Variants in TBX20 observed in about 807,000 individuals in gnomAD.
TBX20 encodes T-box transcription factor TBX20.
In TBX20, 8 loss-of-function variants were observed where a neutral mutation model predicts 42.9. That is an observed-to-expected ratio of 0.19 (90% CI 0.11 to 0.34). TBX20 has a LOEUF of 0.34. Ranked by LOEUF, TBX20 falls within the 10% of genes least tolerant of loss-of-function variation. The pLI is 1.00. For synonymous variants in TBX20, 198 were observed against 222.8 expected (o/e 0.89, Z 0.99); for missense variants, 411 against 566.0 (o/e 0.73, Z 2.78).
intron 4 of TBX20, among the ~76,000 whole-genome samples, chr7:35,241,682 A>T (rs1441492846): frequency 2.0e-5 from 3 of 152,308 alleles, no homozygotes; most frequent in African/African-American, 7.2e-5. Flanking sequence ...TATTTATGAC[A>T]GCTTCCTTGA....
chr7:35,238,873 C>CATTA (rs1290873669), intron 5 of TBX20, among the ~76,000 whole-genome samples: 1 of 123,398 alleles, frequency 8.1e-6, no homozygotes, highest in Non-Finnish European at 1.8e-5. Flanking sequence ...TTCTCTATCT[C>CATTA]ATTAATACAC....
intron 1 of TBX20, among the ~76,000 whole-genome samples, chr7:35,252,002 C>A (rs186197567): frequency 3.9e-5 from 6 of 152,246 alleles, no homozygotes; most frequent in Admixed American, 2.0e-4. Context: ...GTGAGCTGGG[C>A]ATGGCTTTAA....
rs147393830 is a variant in TBX20, at chr7:35,253,611, T to A, written c.10A>T (p.Thr4Ser). The change falls in exon 1 of 8, where the codon ACG becomes TCG. Residue 4 changes from threonine to serine, a missense_variant. By Grantham distance (58) the Thr-to-Ser change is moderately conservative. This residue lies in a region of TBX20 where 114 missense variants were observed against 128.0 expected (regional missense o/e 0.89). Transcript: ENST00000408931. MEF[T>S]ASPKPQLSSR... is the part of the protein sequence containing the mutation. ...GAGAGTTGGGGCTTGGGGGACGCCG[T>A]GAACTCCATGGTCCCCAGCACGCGG... is the stretch of plus-strand genomic sequence containing the variant. 7.4e-5 allele frequency: 119 copies of A among 1,611,708 alleles called. No homozygotes were observed. The Middle Eastern group carries it at 2.2e-3, about 30-fold the overall frequency.
At chr7:35,227,955 T>C (rs1348822217) in intron 6 of TBX20, among the ~76,000 whole-genome samples, 1 of 152,124 alleles carries the variant, frequency 6.6e-6, no homozygotes, top group African/African-American at 2.4e-5. Context: ...GTTAAAATGG[T>C]CAATTTTATG....
chr7:35,207,150 A>G (rs1377940065), intron 6 of TBX20, among the ~76,000 whole-genome samples: 22 of 152,224 alleles, frequency 1.4e-4, no homozygotes, highest in Admixed American at 1.4e-3. Flanking sequence ...TGAGAACTCC[A>G]GGTCCTCTAT....
chr7:35,211,864 T>C (rs1363673031), intron 6 of TBX20, among the ~76,000 whole-genome samples: 3 of 152,322 alleles, frequency 2.0e-5, no homozygotes, highest in Middle Eastern at 3.4e-3. Flanking sequence ...ATTTTCTTTA[T>C]ATCACTAGTT....
intron 3 of TBX20, 152 bp from the exon 4 acceptor site, chr7:35,245,209 T>C: frequency 1.6e-6 from 1 of 611,534 alleles, no homozygotes; most frequent in South Asian, 1.8e-5. Context: ...ACTATTGCAA[T>C]GTCAAAACAA....
intron 6 of TBX20, among the ~76,000 whole-genome samples, chr7:35,214,096 A>G (rs1309212738): frequency 6.6e-6 from 1 of 152,122 alleles, no homozygotes; most frequent in East Asian, 1.9e-4. Context: ...ATTCCCTAAA[A>G]TAGTGTCTGG....
intron 6 of TBX20, among the ~76,000 whole-genome samples, chr7:35,221,313 A>T (rs1350650173): frequency 7.9e-5 from 12 of 151,288 alleles, no homozygotes; most frequent in African/African-American, 2.9e-4. Flanking sequence ...AAAAAAAACA[A>T]ATATCAAAAG....
chr7:35,213,063 T>C (rs752404310), intron 6 of TBX20, among the ~76,000 whole-genome samples: 108 of 152,322 alleles, frequency 7.1e-4, no homozygotes, highest in Non-Finnish European at 1.2e-3. Flanking sequence ...TGCCATGGTC[T>C]ATACCCCCTC....
intron 6 of TBX20, among the ~76,000 whole-genome samples, chr7:35,205,872 A>G (rs189744401): frequency 6.6e-6 from 1 of 152,358 alleles, no homozygotes; most frequent in Admixed American, 6.5e-5. Context: ...ATTAGGATCC[A>G]GATCCACTGC....
intron 4 of TBX20, among the ~76,000 whole-genome samples, chr7:35,242,859 TAA>T (rs1491448508): frequency 6.6e-6 from 1 of 152,208 alleles, no homozygotes; most frequent in Non-Finnish European, 1.5e-5. Flanking sequence ...ACTGCATCTA[TAA>T]GAGAGGCTTC....
At chr7:35,226,903 C>G (rs1789781626) in intron 6 of TBX20, among the ~76,000 whole-genome samples, 1 of 151,912 alleles carries the variant, frequency 6.6e-6, no homozygotes, top group East Asian at 1.9e-4. Flanking sequence ...CAGGCAGATC[C>G]TTTGGCAGGT....
intron 6 of TBX20, among the ~76,000 whole-genome samples, chr7:35,214,492 T>C (rs1584342846): frequency 6.6e-6 from 1 of 152,304 alleles, no homozygotes; most frequent in East Asian, 1.9e-4. Flanking sequence ...GGTGAATATA[T>C]TCAAAGCAAA....
chr7:35,223,363 A>G (rs969579345), intron 6 of TBX20, among the ~76,000 whole-genome samples: 1 of 152,222 alleles, frequency 6.6e-6, no homozygotes, highest in African/African-American at 2.4e-5. Context: ...GGCCAGAACC[A>G]GAAATGTAGG....
chr7:35,225,043 T>A (rs2128712625), intron 6 of TBX20, among the ~76,000 whole-genome samples: 1 of 152,164 alleles, frequency 6.6e-6, no homozygotes, highest in Non-Finnish European at 1.5e-5. Flanking sequence ...AGAGATAAAA[T>A]CATCATTTTT....
chr7:35,222,816 G>C (rs1252151071), intron 6 of TBX20, among the ~76,000 whole-genome samples: 1 of 151,954 alleles, frequency 6.6e-6, no homozygotes, highest in Non-Finnish European at 1.5e-5. Flanking sequence ...CAGAACCTTT[G>C]AGGCCTTGTC....
intron 5 of TBX20, among the ~76,000 whole-genome samples, chr7:35,233,674 G>A (rs1428359372): frequency 6.6e-6 from 1 of 152,138 alleles, no homozygotes; most frequent in Non-Finnish European, 1.5e-5. Context: ...TAAAGCCCAG[G>A]CAATTGATAC....
chr7:35,241,742 C>A (rs1790086237), intron 4 of TBX20, among the ~76,000 whole-genome samples: 1 of 152,184 alleles, frequency 6.6e-6, no homozygotes, highest in Non-Finnish European at 1.5e-5. Flanking sequence ...TAGCCATCTT[C>A]CATTCTGCAG....
Sources: gnomAD v4.1 joint callset for allele counts (sites outside exome capture counted in the v4.1 genomes callset) on GRCh38, gnomAD v4.1.1 for gene constraint, gnomAD v4.1.1 regional missense constraint, MANE v1.5 for transcripts, NCBI Gene and HGNC (gene_info 2026-07-23, HGNC 2026-07-21) for gene names.